DIP2C: variants seen among roughly 807,000 people sequenced by gnomAD.
DIP2C encodes DIP2 acetate--CoA ligase C (putative).
Under a neutral mutation model 192.4 loss-of-function variants are expected in DIP2C, and 33 were observed. The observed-to-expected ratio is 0.17, with a 90% CI of 0.13 to 0.23. DIP2C has a LOEUF of 0.23. Among genes scored for constraint, DIP2C ranks in the 10% least tolerant of loss-of-function variants. The pLI is 1.00. For missense variants in DIP2C, 1,537 were observed against 2,110.1 expected, an observed-to-expected ratio of 0.73 and a Z score of 5.32; for synonymous variants, 979 against 864.1, an observed-to-expected ratio of 1.13 and a Z score of -2.33.
At chr10:294,614 A>C (rs1455007331) in intron 32 of DIP2C, among the ~76,000 whole-genome samples, 1 of 149,092 alleles carries the variant, frequency 6.7e-6, no homozygotes, top group African/African-American at 2.4e-5. Flanking sequence ...AAAAAAAAAG[A>C]GAAGAAAAAA....
chr10:673,040 T>C (rs2119033593), intron 1 of DIP2C, among the ~76,000 whole-genome samples: 1 of 152,336 alleles, frequency 6.6e-6, no homozygotes, highest in East Asian at 1.9e-4. Flanking sequence ...TGTAAGCCTG[T>C]ACCTGGTTAG....
chr10:569,785 G>A (rs571420806), intron 1 of DIP2C, among the ~76,000 whole-genome samples: 10 of 152,134 alleles, frequency 6.6e-5, no homozygotes, highest in Non-Finnish European at 1.5e-4. Flanking sequence ...GGGTAGGGAG[G>A]AGAGAGGATG....
intron 31 of DIP2C, among the ~76,000 whole-genome samples, chr10:315,749 A>G (rs756261773): frequency 6.6e-6 from 1 of 152,180 alleles, no homozygotes; most frequent in Non-Finnish European, 1.5e-5. Flanking sequence ...TAGGTCTTCA[A>G]ATTGTTCTCT....
intron 1 of DIP2C, among the ~76,000 whole-genome samples, chr10:603,296 C>G (rs1009495085): frequency 1.3e-3 from 69 of 51,950 alleles, no homozygotes; most frequent in African/African-American, 7.5e-3. Context: ...GAGACTCCAT[C>G]TCAAAAAAAA....
intron 1 of DIP2C, among the ~76,000 whole-genome samples, chr10:608,141 A>AC (rs1852655952): frequency 2.4e-5 from 2 of 84,846 alleles, no homozygotes; most frequent in African/African-American, 2.0e-4. Flanking sequence ...ACACACACAC[A>AC]GCCCCCCCAC....
At chr10:528,807 A>G (rs1185585572) in intron 1 of DIP2C, among the ~76,000 whole-genome samples, 1 of 152,154 alleles carries the variant, frequency 6.6e-6, no homozygotes, top group Non-Finnish European at 1.5e-5. Flanking sequence ...GCAGAAGCCA[A>G]CCTCAAGCAG....
In DIP2C at chr10:483,481, C is replaced by T. The variant is rs562306018; in HGVS notation, c.157+2978G>A. 2.6e-5 allele frequency among the ~76,000 whole-genome samples: 4 copies of T among 152,332 alleles called. No homozygotes were observed. In the South Asian group the frequency reaches 8.3e-4, roughly 32 times the overall value. ...ATGAAGGTCGGCAGGGAAACAGCCTCGCTGGGGCCCTAGCACCGCTGTCCG... is the reference window on the plus strand; with the variant it reads ...ATGAAGGTCGGCAGGGAAACAGCCTTGCTGGGGCCCTAGCACCGCTGTCCG... On this transcript the variant is annotated intron_variant, in intron 2 of 36. Transcript: ENST00000280886.
intron 1 of DIP2C, among the ~76,000 whole-genome samples, chr10:658,126 C>T (rs555331524): frequency 3.7e-4 from 50 of 136,750 alleles, no homozygotes; most frequent in Non-Finnish European, 7.2e-4. Context: ...CCTGGACCTG[C>T]CGCTGGACCT....
Position 440,855 on chromosome 10 carries a change from G to C in DIP2C, c.394+16C>G. 6.2e-7 allele frequency: 1 copy of C among 1,607,446 alleles called. No individual in the cohort carries two copies. The highest frequency in any genetic ancestry group is 8.5e-7 in the Non-Finnish European group (1 of 1,177,990). On this transcript the variant is annotated intron_variant, in intron 4 of 36. Coordinates refer to ENST00000280886, the MANE Select transcript of DIP2C (RefSeq NM_014974.3). ...CGGCACATTCAGGAGGCCGTGTCGG[G>C]GAGCGTGTCCCTTACCTGGAGGGGT...
At chr10:549,210 A>G (rs1475904426) in intron 1 of DIP2C, among the ~76,000 whole-genome samples, 1 of 152,150 alleles carries the variant, frequency 6.6e-6, no homozygotes, top group African/African-American at 2.4e-5. Context: ...TTACTTTTTC[A>G]TTATTGCTTC....
intron 2 of DIP2C, among the ~76,000 whole-genome samples, chr10:477,957 AAAAGAGAAGGAAGGG>A (rs1251632865): frequency 2.1e-5 from 2 of 96,232 alleles, no homozygotes; most frequent in Non-Finnish European, 4.1e-5. Context: ...AGAAGGAAAG[AAAAGAGAAGGAAGGG>A]AACAGAAAGT....
intron 32 of DIP2C, 101 bp downstream of exon 32, chr10:309,930 A>G: frequency 8.6e-7 from 1 of 1,162,852 alleles, no homozygotes; most frequent in Non-Finnish European, 1.3e-6. Flanking sequence ...TGGGCAGATA[A>G]ACATCGTGTG....
At chr10:561,131 C>T (rs1849192756) in intron 1 of DIP2C, among the ~76,000 whole-genome samples, 1 of 152,318 alleles carries the variant, frequency 6.6e-6, no homozygotes, top group Middle Eastern at 3.4e-3. Context: ...CAAAACCAGG[C>T]TGTGCTCTGA....
At chr10:375,025 C>A (rs1961402855) in intron 17 of DIP2C, among the ~76,000 whole-genome samples, 1 of 152,188 alleles carries the variant, frequency 6.6e-6, no homozygotes, top group Admixed American at 6.5e-5. Flanking sequence ...GAGGCAGAGT[C>A]CTCTCTTGGA....
chr10:389,265 G>A (rs1433040497), intron 13 of DIP2C, among the ~76,000 whole-genome samples: 1 of 152,134 alleles, frequency 6.6e-6, no homozygotes, highest in African/African-American at 2.4e-5. Flanking sequence ...AACATCTCAG[G>A]AGGTTTCAGG....
intron 32 of DIP2C, among the ~76,000 whole-genome samples, chr10:302,038 C>G (rs191176453): frequency 6.6e-6 from 1 of 152,064 alleles, no homozygotes; most frequent in Non-Finnish European, 1.5e-5. Flanking sequence ...GTCCCTTACC[C>G]GATGATCATC....
intron 1 of DIP2C, among the ~76,000 whole-genome samples, chr10:669,811 G>A (rs1857331689): frequency 6.6e-6 from 1 of 152,188 alleles, no homozygotes; most frequent in South Asian, 2.1e-4. Flanking sequence ...GCTTAAACTA[G>A]TCATGTGATT....
chr10:598,833 G>A (rs188647507), intron 1 of DIP2C, among the ~76,000 whole-genome samples: 3 of 152,344 alleles, frequency 2.0e-5, no homozygotes, highest in East Asian at 3.9e-4. Context: ...GGGTGTCTCC[G>A]ACATCTTTGT....
chr10:566,398 T>TG (rs1432702050), intron 1 of DIP2C, among the ~76,000 whole-genome samples: 2 of 152,222 alleles, frequency 1.3e-5, no homozygotes, highest in Admixed American at 1.3e-4. Flanking sequence ...CATGAGCCGC[T>TG]GACCCACCAG....
Sources: gnomAD v4.1 joint callset for allele counts (sites outside exome capture counted in the v4.1 genomes callset) on GRCh38, gnomAD v4.1.1 for gene constraint, MANE v1.5 for transcripts, NCBI Gene and HGNC (gene_info 2026-07-23, HGNC 2026-07-21) for gene names.